Variants in MCTP1 observed in about 807,000 individuals in gnomAD.
The protein encoded by MCTP1 is multiple C2 and transmembrane domain-containing protein 1.
A neutral mutation model predicts 120.6 loss-of-function variants in MCTP1; 69 were observed. That is an observed-to-expected ratio of 0.57 (90% CI 0.47 to 0.70). The LOEUF (loss-of-function observed/expected upper bound fraction) is 0.70. Ranked by LOEUF, MCTP1 falls within the 30% of genes least tolerant of loss-of-function variation. The pLI, the probability that MCTP1 is intolerant of heterozygous loss-of-function variation, is 0.00. For synonymous variants in MCTP1, 529 were observed against 493.1 expected (o/e 1.07, Z -0.96); for missense variants, 1,203 against 1,248.8 (o/e 0.96, Z 0.55).
chr5:94,988,824 A>G (rs933938044), intron 2 of MCTP1, among the ~76,000 whole-genome samples: 1 of 152,144 alleles, frequency 6.6e-6, no homozygotes, highest in Admixed American at 6.5e-5. Flanking sequence ...ATAACTTACA[A>G]TTATGGCAGA....
intron 17 of MCTP1, among the ~76,000 whole-genome samples, chr5:94,840,911 G>A (rs986873586): frequency 2.0e-5 from 3 of 152,256 alleles, no homozygotes; most frequent in African/African-American, 7.2e-5. Flanking sequence ...TATTTGAGGT[G>A]GATTTTGGGG....
At chr5:94,790,660 T>C (rs1778698231) in intron 18 of MCTP1, among the ~76,000 whole-genome samples, 1 of 152,180 alleles carries the variant, frequency 6.6e-6, no homozygotes, top group Non-Finnish European at 1.5e-5. Context: ...GAAACAAATT[T>C]ATGACAGACG....
chr5:94,750,679 C>T (rs1768071343), intron 19 of MCTP1, among the ~76,000 whole-genome samples: 1 of 152,148 alleles, frequency 6.6e-6, no homozygotes, highest in Admixed American at 6.5e-5. Context: ...CCCCTCTGCC[C>T]ATCCTGGATC....
chr5:94,847,678 G>GTATATATATA (rs1477204214), intron 17 of MCTP1, among the ~76,000 whole-genome samples: 6 of 130,624 alleles, frequency 4.6e-5, no homozygotes, highest in African/African-American at 1.8e-4. Context: ...GTGTGTGTGT[G>GTATATATATA]TGTGTATATA....
At chr5:94,933,324 C>T (rs1815282878) in intron 5 of MCTP1, among the ~76,000 whole-genome samples, 1 of 151,728 alleles carries the variant, frequency 6.6e-6, no homozygotes. Flanking sequence ...TAGAGGTGGC[C>T]ATCTAGGGGG....
intron 2 of MCTP1, among the ~76,000 whole-genome samples, chr5:95,008,984 A>C (rs1835323529): frequency 6.6e-6 from 1 of 151,712 alleles, no homozygotes; most frequent in South Asian, 2.1e-4. Context: ...AGCTATGATC[A>C]TATCACTGCA....
At chr5:95,063,618 C>T (rs1446312259) in intron 1 of MCTP1, among the ~76,000 whole-genome samples, 1 of 152,116 alleles carries the variant, frequency 6.6e-6, no homozygotes, top group Non-Finnish European at 1.5e-5. Context: ...TTTATTCAGA[C>T]AGGGTCTTAT....
intron 21 of MCTP1, 108 bp from the exon 22 acceptor site, chr5:94,708,717 T>C (rs2290300): frequency 0.047 from 29,475 of 621,924 alleles, 2,091 homozygotes; most frequent in East Asian, 0.29. Context: ...CACCCAGTTT[T>C]TTCCCCCTCT....
intron 21 of MCTP1, chr5:94,709,916 A>G (rs1469493516): frequency 6.6e-6 from 1 of 152,084 alleles, no homozygotes; most frequent in Non-Finnish European, 1.5e-5. Flanking sequence ...AACTCACTTT[A>G]TTCCAACATA....
intron 1 of MCTP1, among the ~76,000 whole-genome samples, chr5:95,254,403 C>T (rs1484559824): frequency 6.6e-6 from 1 of 152,124 alleles, no homozygotes; most frequent in East Asian, 1.9e-4. Context: ...AATACCCTAT[C>T]TAACTAAGGT....
At chr5:94,983,664 T>A (rs200079463) in intron 2 of MCTP1, among the ~76,000 whole-genome samples, 119 of 15,302 alleles carry the variant, frequency 7.8e-3, no homozygotes, top group Middle Eastern at 0.083. Context: ...TCTGTCTGTC[T>A]GTCAATCTAT....
At chr5:95,080,988 A>G (rs1282457859) in intron 1 of MCTP1, among the ~76,000 whole-genome samples, 1 of 152,164 alleles carries the variant, frequency 6.6e-6, no homozygotes, top group Admixed American at 6.5e-5. Flanking sequence ...ACTACTTTTT[A>G]TTTCAATTGA....
rs573254632 is a variant in MCTP1, at chr5:94,734,644, A to G, written c.2611-19758T>C. ...GCGAATTTTTGTACATTTTGGAGAGATAGGATCTCACTATTTTGTCCAGGT... is the reference window on the plus strand; with the variant it reads ...GCGAATTTTTGTACATTTTGGAGAGGTAGGATCTCACTATTTTGTCCAGGT... On this transcript the variant is annotated intron_variant, in intron 19 of 22. Transcript: ENST00000515393. 7.9e-5 allele frequency among the ~76,000 whole-genome samples: 12 copies of G among 152,276 alleles called. No homozygotes were observed. The South Asian group carries it at 2.5e-3, about 32-fold the overall frequency.
intron 1 of MCTP1, among the ~76,000 whole-genome samples, chr5:95,269,258 C>T (rs1759166267): frequency 6.6e-6 from 1 of 152,162 alleles, no homozygotes; most frequent in African/African-American, 2.4e-5. Context: ...CTTGCTTTCT[C>T]CTTGTTAAAG....
intron 19 of MCTP1, among the ~76,000 whole-genome samples, chr5:94,773,803 A>G (rs891454102): frequency 1.3e-5 from 2 of 152,162 alleles, no homozygotes; most frequent in African/African-American, 4.8e-5. Context: ...ACAGCACAGG[A>G]AAGATCCACT....
chr5:94,819,338 C>T (rs1785164045), intron 17 of MCTP1, among the ~76,000 whole-genome samples: 1 of 151,986 alleles, frequency 6.6e-6, no homozygotes, highest in African/African-American at 2.4e-5. Context: ...ACCATGTTGG[C>T]CAGGCTGGTC....
chr5:95,029,404 CT>C lies in MCTP1; in HGVS notation c.721-11921del, dbSNP rs528249198. ...AAAAAGTCCTTGTGAATTTTCTTTC[CT>C]TTTCTCAAGATAGCTGACCAGAGAC... On this transcript the variant is annotated intron_variant, in intron 1 of 22. Transcript: ENST00000515393. 1.1e-4 allele frequency among the ~76,000 whole-genome samples: 16 copies of C among 152,130 alleles called. No homozygotes were observed. In the South Asian group the frequency reaches 3.1e-3, roughly 30 times the overall value.
At chr5:95,073,456 G>A (rs998939505) in intron 1 of MCTP1, among the ~76,000 whole-genome samples, 3 of 152,136 alleles carry the variant, frequency 2.0e-5, no homozygotes, top group Non-Finnish European at 2.9e-5. Context: ...ACCTTACTGA[G>A]TATGGAGTGG....
At chr5:94,952,008 C>A (rs892111329) in intron 3 of MCTP1, among the ~76,000 whole-genome samples, 1 of 151,730 alleles carries the variant, frequency 6.6e-6, no homozygotes, top group Non-Finnish European at 1.5e-5. Context: ...GCCATCTCTA[C>A]TAAAAATACA....
Sources: gnomAD v4.1 joint callset for allele counts (sites outside exome capture counted in the v4.1 genomes callset) on GRCh38, gnomAD v4.1.1 for gene constraint, MANE v1.5 for transcripts, NCBI Gene and HGNC (gene_info 2026-07-23, HGNC 2026-07-21) for gene names.